The following SH3YL1 variants were observed in gnomAD, a reference collection of about 807,000 sequenced individuals.
SH3YL1 encodes SH3 and SYLF domain containing 1, also known as SH3 domain-containing YSC84-like protein 1.
Under a neutral mutation model 45.8 loss-of-function variants are expected in SH3YL1, and 41 were observed. The observed-to-expected ratio is 0.89, with a 90% CI of 0.70 to 1.16. The LOEUF is 1.16. Ranked by LOEUF, SH3YL1 falls within the 50% of genes most tolerant of loss-of-function variation. The pLI is 0.00. For missense variants in SH3YL1, 389 were observed against 409.6 expected, an observed-to-expected ratio of 0.95 and a Z score of 0.43; for synonymous variants, 152 against 151.4, an observed-to-expected ratio of 1.00 and a Z score of -0.03.
chr2:244,905 G>C (rs115990355), intron 4 of SH3YL1, among the ~76,000 whole-genome samples: 17 of 152,204 alleles, frequency 1.1e-4, no homozygotes, highest in African/African-American at 4.1e-4. Flanking sequence ...ACCTGAGTCA[G>C]AAGTGCCCTC....
intron 4 of SH3YL1, among the ~76,000 whole-genome samples, chr2:236,950 C>A (rs10171229): frequency 0.3 from 45,757 of 152,084 alleles, 7,553 homozygotes; most frequent in East Asian, 0.59. Context: ...CAAGATGCTT[C>A]AGCTTGACGC....
intron 9 of SH3YL1, among the ~76,000 whole-genome samples, chr2:221,660 G>A (rs1478735308): frequency 1.3e-5 from 2 of 152,172 alleles, no homozygotes; most frequent in Admixed American, 1.3e-4. Flanking sequence ...CTTTACTGAG[G>A]CTAAGATGTG....
At chr2:241,517 C>G (rs1298280422) in intron 4 of SH3YL1, 1 of 132,250 alleles carries the variant, frequency 7.6e-6, no homozygotes, top group Non-Finnish European at 1.7e-5. Flanking sequence ...AATTCTCAAT[C>G]TGATGAAAAA....
At chr2:228,621 C>T (rs1667887957) in intron 8 of SH3YL1, among the ~76,000 whole-genome samples, 1 of 152,118 alleles carries the variant, frequency 6.6e-6, no homozygotes, top group Non-Finnish European at 1.5e-5. Flanking sequence ...AAATTCAGTG[C>T]TCATATCTCA....
rs1204009082 is a variant in SH3YL1 at position 233,209 on chromosome 2, G to T, written c.425C>A (p.Ala142Asp). ...GAAGACGGCAGCGGAGCTTCTCAGG[G>T]CCACGTTTCCTTCCAAGTTCCTGCA... ...PLGRNLEGNV[A>D]LRSSAAVFTY... Residue 142 changes from alanine to aspartate, a missense_variant, in exon 6 of 10, where the codon GCC becomes GAC. Ala to Asp is a moderately radical substitution (Grantham distance 126, BLOSUM62 -2). Coordinates refer to ENST00000356150, the MANE Select transcript of SH3YL1 (RefSeq NM_015677.4). The T allele has an allele frequency of 1.3e-6, 2 of 1,576,846 alleles. No homozygotes were observed. The highest frequency in any genetic ancestry group is 2.7e-5 in the African/African-American group (2 of 73,768).
At chr2:260,411 G>A (rs1208024984) in intron 1 of SH3YL1, 1 of 152,232 alleles carries the variant, frequency 6.6e-6, no homozygotes, top group South Asian at 2.1e-4. Context: ...CGAGGCTGCT[G>A]TATCAGGACG....
rs1558240384 is a variant in SH3YL1 at position 236,207 on chromosome 2, TCAGGGGAGGCAGCAGCATGGGC to T, written c.292-1957_292-1936del. Among the ~76,000 whole-genome samples, 8 of 30,744 alleles carry T rather than the reference TCAGGGGAGGCAGCAGCATGGGC, an allele frequency of 2.6e-4. No individual in the cohort carries two copies. In the South Asian group the frequency reaches 3.4e-3, roughly 13 times the overall value. The allele number at this position is 30,744 out of a possible 152,430, so 20.2% of individuals were successfully genotyped here. A position where few individuals can be genotyped will look rare whatever the true frequency, so the allele number is the denominator to read the frequency against. On this transcript the variant is annotated intron_variant, in intron 4 of 9. Coordinates refer to ENST00000356150, the MANE Select transcript of SH3YL1 (RefSeq NM_015677.4). ...GGGCCAGGGGAGGCAGCAGCATGGG[TCAGGGGAGGCAGCAGCATGGGC>T]CAGGGGAGGCAGCAGCATGGGCCAG...
chr2:232,897 G>GT (rs1173790928), intron 6 of SH3YL1: 29 of 359,512 alleles, frequency 8.1e-5, no homozygotes, highest in Admixed American at 1.4e-4. Context: ...AAGGGATCGA[G>GT]TTTTTTTTAT....
chr2:233,015 T>A, intron 6 of SH3YL1, 86 bp downstream of exon 6: 12 of 1,233,826 alleles, frequency 9.7e-6, no homozygotes, highest in Non-Finnish European at 1.3e-5. Context: ...AAAGAATATA[T>A]AAATGTACTC....
intron 2 of SH3YL1, among the ~76,000 whole-genome samples, chr2:251,535 G>A (rs116492739): frequency 1.4e-3 from 216 of 152,192 alleles, no homozygotes; most frequent in African/African-American, 4.8e-3. Flanking sequence ...CCACTGAGAC[G>A]GGCTCCTTCA....
intron 4 of SH3YL1, among the ~76,000 whole-genome samples, chr2:238,593 A>G (rs1572158857): frequency 6.6e-6 from 1 of 151,982 alleles, no homozygotes; most frequent in South Asian, 2.1e-4. Flanking sequence ...TTGATGACCC[A>G]GTGTGAGCTC....
intron 1 of SH3YL1, among the ~76,000 whole-genome samples, chr2:257,476 A>G (rs190669399): frequency 9.2e-5 from 14 of 152,312 alleles, no homozygotes; most frequent in South Asian, 2.1e-4. Context: ...CAAGATTGAG[A>G]ACTTAACTTA....
At chr2:259,565 T>A (rs1669500926) in intron 1 of SH3YL1, 1 of 151,616 alleles carries the variant, frequency 6.6e-6, no homozygotes, top group African/African-American at 2.4e-5. Flanking sequence ...TAGGAAAAAA[T>A]ATGTAATAGG....
chr2:238,692 C>A (rs916985890), intron 4 of SH3YL1, among the ~76,000 whole-genome samples: 11 of 152,158 alleles, frequency 7.2e-5, no homozygotes, highest in Admixed American at 2.0e-4. Context: ...CTACAACTGT[C>A]ATCCAAAAAG....
chr2:253,426 C>A (rs995274412), intron 1 of SH3YL1, among the ~76,000 whole-genome samples: 1 of 152,114 alleles, frequency 6.6e-6, no homozygotes, highest in Non-Finnish European at 1.5e-5. Flanking sequence ...ATGAACGTGA[C>A]CTCTGGTCAT....
chr2:236,144 C>A (rs113445600), intron 4 of SH3YL1, among the ~76,000 whole-genome samples: 1 of 96,496 alleles, frequency 1.0e-5, no homozygotes, highest in Admixed American at 1.1e-4. Context: ...GCAGCATGGG[C>A]CAGGGGAGGC....
Position 263,971 on chromosome 2 carries a change from C to G in SH3YL1, c.1+13G>C. On this transcript the variant is annotated intron_variant, in intron 1 of 9. Transcript: ENST00000356150. ...GAGGGTGCTGCCGGACAGGTGGGTC[C>G]CCGGGTACTCACTGCTGCCCGCCCG... 1 of 1,498,080 alleles carries G rather than the reference C, an allele frequency of 6.7e-7. No homozygotes were observed. The highest frequency in any genetic ancestry group is 8.9e-7 in the Non-Finnish European group (1 of 1,120,942). 92.8% of individuals were successfully genotyped at this position (1,498,080 alleles called of 1,614,324 possible). A position where few individuals can be genotyped will look rare whatever the true frequency, so the allele number is the denominator to read the frequency against.
intron 1 of SH3YL1, chr2:260,484 T>C (rs1331253487): frequency 6.6e-6 from 1 of 152,176 alleles, no homozygotes; most frequent in Non-Finnish European, 1.5e-5. Context: ...CAGCATCTGA[T>C]GGGGGACTTG....
intron 1 of SH3YL1, 58 bp downstream of exon 1, chr2:263,925 AC>A (rs1669718822): frequency 7.1e-7 from 1 of 1,408,036 alleles, no homozygotes; most frequent in African/African-American, 1.5e-5. Context: ...TCCTCCCACC[AC>A]CGCCCAGCTC....
Sources: allele counts gnomAD v4.1 joint callset (sites outside exome capture counted in the v4.1 genomes callset), GRCh38; gene constraint gnomAD v4.1.1; transcripts MANE v1.5; gene names NCBI Gene and HGNC (gene_info 2026-07-23, HGNC 2026-07-21).